The following SLC12A6 variants were observed in gnomAD, a reference collection of about 807,000 sequenced individuals.
The protein encoded by SLC12A6 is solute carrier family 12 member 6, also known as K-Cl cotransporter 3.
Under a neutral mutation model 135.3 loss-of-function variants are expected in SLC12A6, and 66 were observed. The ratio of observed to expected loss-of-function variants is 0.49; its 90% CI spans 0.40 to 0.60. SLC12A6 has a LOEUF of 0.60. SLC12A6 is among the 20% of genes least tolerant of loss of function. The probability of loss-of-function intolerance (pLI) is 0.00; values close to 1 mark genes in which losing one functional copy is unlikely to be tolerated. For missense variants in SLC12A6, 1,058 were observed against 1,452.3 expected, an observed-to-expected ratio of 0.73 and a Z score of 4.41; for synonymous variants, 513 against 508.8, an observed-to-expected ratio of 1.01 and a Z score of -0.11.
intron 2 of SLC12A6, among the ~76,000 whole-genome samples, chr15:34,304,745 GACTT>G (rs1203705923): frequency 2.0e-5 from 3 of 152,230 alleles, no homozygotes; most frequent in Admixed American, 6.5e-5. Flanking sequence ...GTTCTGCCCT[GACTT>G]ACTTATCACA....
chr15:34,336,347 G>A (rs75634510), intron 2 of SLC12A6, 63 bp downstream of exon 2: 4 of 1,259,548 alleles, frequency 3.2e-6, no homozygotes, highest in South Asian at 2.4e-5. Flanking sequence ...CAGATCCATA[G>A]ATGGTCATCT....
At position 34,232,954 on chromosome 15, in the gene SLC12A6, A is replaced by G. The variant is rs1174574239; in HGVS notation, c.*927T>C. On this transcript the variant is annotated 3_prime_UTR_variant, in exon 26 of 26. Coordinates refer to ENST00000354181, the MANE Select transcript of SLC12A6 (RefSeq NM_001365088.1). Reference sequence around the variant, plus strand: ...ACCTGTGCTTAATAAGAGGGCATAAAAAAAGGCGCGGGGGTGGGGGCGGGG... The same window carrying G: ...ACCTGTGCTTAATAAGAGGGCATAAGAAAAGGCGCGGGGGTGGGGGCGGGG... 4 of 149,832 alleles carry G rather than the reference A, an allele frequency of 2.7e-5. No individual in the cohort carries two copies. Among genetic ancestry groups the G allele is most frequent in the Admixed American group, 6.7e-5 (1 of 14,962 alleles). 9.3% of individuals were successfully genotyped at this position (149,832 alleles called of 1,614,324 possible). A position where few individuals can be genotyped will look rare whatever the true frequency, so the allele number is the denominator to read the frequency against.
At chr15:34,298,406 C>G (rs1309412036) in intron 2 of SLC12A6, among the ~76,000 whole-genome samples, 1 of 151,876 alleles carries the variant, frequency 6.6e-6, no homozygotes, top group Non-Finnish European at 1.5e-5. Flanking sequence ...ACCCGGGAGG[C>G]GGAGGTTGCA....
At chr15:34,255,904 G>C (rs1464376606) in intron 7 of SLC12A6, among the ~76,000 whole-genome samples, 4 of 152,122 alleles carry the variant, frequency 2.6e-5, no homozygotes, top group Non-Finnish European at 5.9e-5. Context: ...AGGAGTTGGA[G>C]GCTGTGTGAG....
At chr15:34,238,925 C>T (rs1277481582) in intron 20 of SLC12A6, 40 bp downstream of exon 20, 19 of 1,527,260 alleles carry the variant, frequency 1.2e-5, no homozygotes, top group Admixed American at 6.7e-5. Context: ...TATATACCCT[C>T]GACTTGGGCC....
chr15:34,271,713 G>A lies in SLC12A6; in HGVS notation c.316+3632C>T, dbSNP rs76343930. Among the ~76,000 whole-genome samples the A allele has an allele frequency of 4.6e-3, 693 of 152,078 alleles. 23 individuals are homozygous for A. The highest frequency in any genetic ancestry group is 0.038 in the Admixed American group (584 of 15,260). On this transcript the variant is annotated intron_variant, in intron 3 of 25. Transcript: ENST00000354181. ...CCGTATATCTCCTCAGCCTGACCCT[G>A]AGTTTTGCAAGAGACCCGATGAGTC...
At chr15:34,234,413 C>T (rs2140629166) in intron 25 of SLC12A6, among the ~76,000 whole-genome samples, 1 of 152,074 alleles carries the variant, frequency 6.6e-6, no homozygotes, top group South Asian at 2.1e-4. Flanking sequence ...CCTCTTGTTG[C>T]CCAGGCTGGA....
intron 8 of SLC12A6, among the ~76,000 whole-genome samples, 178 bp from the exon 9 acceptor site, chr15:34,254,767 T>A (rs1289846632): frequency 2.5e-4 from 2 of 7,844 alleles, no homozygotes; most frequent in African/African-American, 2.6e-4. Flanking sequence ...TGTCATGGAT[T>A]TTTTTTTTTT....
intron 2 of SLC12A6, among the ~76,000 whole-genome samples, chr15:34,332,496 G>C (rs1221326054): frequency 6.6e-6 from 1 of 152,152 alleles, no homozygotes; most frequent in African/African-American, 2.4e-5. Context: ...ATGTATTAGG[G>C]ACTGCAGGCA....
intron 9 of SLC12A6, among the ~76,000 whole-genome samples, chr15:34,253,845 C>A (rs1395854992): frequency 6.6e-6 from 1 of 152,130 alleles, no homozygotes; most frequent in African/African-American, 2.4e-5. Context: ...AGTATTCGCA[C>A]TAGGGAGTTG....
At chr15:34,323,410 C>A (rs917799997) in intron 2 of SLC12A6, among the ~76,000 whole-genome samples, 1 of 152,180 alleles carries the variant, frequency 6.6e-6, no homozygotes, top group Admixed American at 6.5e-5. Context: ...CAAGCATTAC[C>A]GCCTGAGAGC....
intron 3 of SLC12A6, among the ~76,000 whole-genome samples, chr15:34,274,027 T>C (rs1266472099): frequency 6.6e-6 from 1 of 152,212 alleles, no homozygotes; most frequent in Non-Finnish European, 1.5e-5. Flanking sequence ...GCATTAAGAC[T>C]GATATATCTA....
At chr15:34,285,062 A>G (rs1894953317) in intron 2 of SLC12A6, among the ~76,000 whole-genome samples, 1 of 152,224 alleles carries the variant, frequency 6.6e-6, no homozygotes, top group African/African-American at 2.4e-5. Context: ...ATCAAAGATC[A>G]TGTGCGGCCT....
chr15:34,333,226 C>G (rs905952409), intron 2 of SLC12A6, among the ~76,000 whole-genome samples: 1 of 146,392 alleles, frequency 6.8e-6, no homozygotes, highest in African/African-American at 2.6e-5. Flanking sequence ...ATTTTTTTTT[C>G]TTTTTCTTTT....
chr15:34,322,839 G>A (rs368894925), intron 2 of SLC12A6, among the ~76,000 whole-genome samples: 5 of 151,804 alleles, frequency 3.3e-5, no homozygotes, highest in Non-Finnish European at 5.9e-5. Context: ...TTAGCCAGTC[G>A]TGATGGTGAG....
chr15:34,238,405 G>A lies in SLC12A6; in HGVS notation c.2633-4C>T, dbSNP rs1459974478. 6.2e-7 allele frequency: 1 copy of A among 1,611,140 alleles called. No individual in the cohort carries two copies. The highest frequency in any genetic ancestry group is 8.5e-7 in the Non-Finnish European group (1 of 1,177,440). On this transcript the variant is annotated splice_region_variant and splice_polypyrimidine_tract_variant and intron_variant, in intron 20 of 25. Coordinates refer to ENST00000354181, the MANE Select transcript of SLC12A6 (RefSeq NM_001365088.1). ...GCAGTTGTCACTCGAACTGTGCCTA[G>A]GGAGAAAAAAGAATAAGCAGAGAAG... is the stretch of plus-strand genomic sequence containing the variant.
intron 2 of SLC12A6, among the ~76,000 whole-genome samples, chr15:34,291,387 T>G (rs931618116): frequency 6.6e-5 from 10 of 152,204 alleles, no homozygotes; most frequent in Non-Finnish European, 1.5e-4. Context: ...GTGGGTAACC[T>G]GACCTTTCTC....
chr15:34,326,858 CTTTT>C (rs397963192), intron 2 of SLC12A6, among the ~76,000 whole-genome samples: 3 of 72,176 alleles, frequency 4.2e-5, no homozygotes, highest in African/African-American at 2.5e-4. Context: ...CAACTGGCTG[CTTTT>C]TTTTTTTTTT....
At chr15:34,252,675 G>C (rs563711955) in intron 9 of SLC12A6, among the ~76,000 whole-genome samples, 2 of 152,300 alleles carry the variant, frequency 1.3e-5, no homozygotes, top group East Asian at 3.9e-4. Flanking sequence ...GAAGGTTAGG[G>C]AAATACAGTT....
Sources: allele counts gnomAD v4.1 joint callset (sites outside exome capture counted in the v4.1 genomes callset), GRCh38; gene constraint gnomAD v4.1.1; transcripts MANE v1.5; gene names NCBI Gene and HGNC (gene_info 2026-07-23, HGNC 2026-07-21).